The following UTRN variants were observed in gnomAD, a reference collection of about 807,000 sequenced individuals.
UTRN encodes the protein utrophin, also known as dystrophin-related protein 1.
Under a neutral mutation model 463.9 loss-of-function variants are expected in UTRN, and 283 were observed. The observed-to-expected ratio is 0.61, with a 90% CI of 0.55 to 0.67. The LOEUF (loss-of-function observed/expected upper bound fraction) is 0.67. Ranked by LOEUF, UTRN falls within the 30% of genes least tolerant of loss-of-function variation. The probability of loss-of-function intolerance (pLI) is 0.00; values close to 1 mark genes in which losing one functional copy is unlikely to be tolerated. For synonymous variants in UTRN, 1,442 were observed against 1,431.5 expected (o/e 1.01, Z -0.17); for missense variants, 3,922 against 4,084.3 (o/e 0.96, Z 1.08).
chr6:144,358,661 G>A lies in UTRN; in HGVS notation c.80-44462G>A, dbSNP rs7757209. On this transcript the variant is annotated intron_variant, in intron 2 of 74. Coordinates refer to ENST00000367545, the MANE Select transcript of UTRN (RefSeq NM_007124.3). ...TTCTTTCTTTAGTTTTTTGAGATGG[G>A]GGTCTCACTATGTTACCCAGGAAGG... 1.9e-3 allele frequency among the ~76,000 whole-genome samples: 292 copies of A among 151,908 alleles called. 4 individuals carry two copies. Among genetic ancestry groups the A allele is most frequent in the African/African-American group, 6.9e-3 (284 of 41,398 alleles).
intron 52 of UTRN, among the ~76,000 whole-genome samples, chr6:144,690,089 T>TGTGTG (rs1436355407): frequency 2.7e-5 from 1 of 36,826 alleles, no homozygotes; most frequent in Non-Finnish European, 4.7e-5. Context: ...TTTTTTTTTT[T>TGTGTG]TTTTTTTGTG....
intron 27 of UTRN, among the ~76,000 whole-genome samples, chr6:144,483,160 ATCAT>A (rs1303765888): frequency 1.3e-5 from 2 of 152,214 alleles, no homozygotes; most frequent in African/African-American, 4.8e-5. Flanking sequence ...CATTACTTTG[ATCAT>A]TCATTCATTT....
intron 51 of UTRN, among the ~76,000 whole-genome samples, chr6:144,603,702 G>A (rs762976501): frequency 1.7e-4 from 26 of 151,944 alleles, no homozygotes; most frequent in Non-Finnish European, 2.2e-4. Flanking sequence ...AAAAACTTTC[G>A]ATATTTCATG....
At chr6:144,485,920 CT>C (rs1173521437) in intron 28 of UTRN, among the ~76,000 whole-genome samples, 4 of 152,148 alleles carry the variant, frequency 2.6e-5, no homozygotes, top group African/African-American at 7.2e-5. Context: ...TGTCTCTTAC[CT>C]TCAGATGCTA....
At chr6:144,842,811 C>T (rs934646088) in intron 73 of UTRN, among the ~76,000 whole-genome samples, 15 of 152,058 alleles carry the variant, frequency 9.9e-5, no homozygotes, top group African/African-American at 3.4e-4. Context: ...CCCACCTCCC[C>T]ACCTCCCCAC....
intron 58 of UTRN, among the ~76,000 whole-genome samples, chr6:144,761,524 A>G (rs913297031): frequency 6.6e-6 from 1 of 152,048 alleles, no homozygotes; most frequent in Non-Finnish European, 1.5e-5. Context: ...ACATGCGCCT[A>G]TAGTCCCAGC....
chr6:144,604,640 G>A (rs566024740), intron 51 of UTRN, among the ~76,000 whole-genome samples: 2 of 152,150 alleles, frequency 1.3e-5, no homozygotes, highest in East Asian at 3.9e-4. Flanking sequence ...AAGGCCAGGC[G>A]TGGTGACTCA....
intron 27 of UTRN, 150 bp downstream of exon 27, chr6:144,482,538 TA>T (rs1792006549): frequency 1.9e-6 from 1 of 521,800 alleles, no homozygotes; most frequent in African/African-American, 2.1e-5. Context: ...TTCTGGATTA[TA>T]AAGAAAAAAT....
intron 52 of UTRN, among the ~76,000 whole-genome samples, chr6:144,683,429 G>C (rs575957814): frequency 9.2e-5 from 14 of 152,224 alleles, no homozygotes; most frequent in Non-Finnish European, 2.1e-4. Flanking sequence ...CAAGGAGTGG[G>C]AGGAGTGTTC....
At position 144,771,196 on chromosome 6, in the gene UTRN, T is replaced by C. The variant is rs1793961010; in HGVS notation, c.8496-711T>C. Among the ~76,000 whole-genome samples, 3 of 152,304 alleles carry C rather than the reference T, an allele frequency of 2.0e-5. No homozygotes were observed. The South Asian group carries it at 6.2e-4, about 32-fold the overall frequency. On this transcript the variant is annotated intron_variant, in intron 58 of 74. Transcript: ENST00000367545. Reference sequence around the variant, plus strand: ...CATTTTATATCTAGGTTTTAATTTGTAGTTTCAGTTCTGTTTGAAATAGGC... The same window carrying C: ...CATTTTATATCTAGGTTTTAATTTGCAGTTTCAGTTCTGTTTGAAATAGGC...
chr6:144,731,052 T>A (rs184439497), intron 54 of UTRN, among the ~76,000 whole-genome samples: 1 of 150,868 alleles, frequency 6.6e-6, no homozygotes, highest in African/African-American at 2.4e-5. Flanking sequence ...TATTTAAACA[T>A]GTTATGTGAT....
chr6:144,401,687 A>G (rs1275533924), intron 2 of UTRN, among the ~76,000 whole-genome samples: 1 of 150,786 alleles, frequency 6.6e-6, no homozygotes, highest in East Asian at 1.9e-4. Context: ...TTTTTTTCTG[A>G]AGCTGCTGCT....
At chr6:144,687,161 G>A (rs2128689637) in intron 52 of UTRN, among the ~76,000 whole-genome samples, 1 of 152,230 alleles carries the variant, frequency 6.6e-6, no homozygotes, top group African/African-American at 2.4e-5. Context: ...TTGATGTGCT[G>A]TTGGATTTGG....
At chr6:144,775,038 C>T (rs1166013825) in intron 60 of UTRN, among the ~76,000 whole-genome samples, 1 of 152,072 alleles carries the variant, frequency 6.6e-6, no homozygotes, top group Non-Finnish European at 1.5e-5. Flanking sequence ...CTACCCTAGG[C>T]CTTGTCAGAT....
chr6:144,833,500 T>C (rs1780845503), intron 69 of UTRN, among the ~76,000 whole-genome samples: 1 of 152,242 alleles, frequency 6.6e-6, no homozygotes, highest in African/African-American at 2.4e-5. Context: ...GTTATTATTA[T>C]TTTTGGGTAC....
At chr6:144,473,010 G>C (rs532100081) in intron 23 of UTRN, among the ~76,000 whole-genome samples, 1 of 151,968 alleles carries the variant, frequency 6.6e-6, no homozygotes, top group Admixed American at 6.6e-5. Flanking sequence ...CTCGTGATCC[G>C]TAGCCTGGGC....
intron 51 of UTRN, among the ~76,000 whole-genome samples, chr6:144,596,586 A>G (rs964897332): frequency 6.6e-6 from 1 of 152,202 alleles, no homozygotes; most frequent in African/African-American, 2.4e-5. Context: ...AATTTGGACT[A>G]TTGACATCAA....
intron 34 of UTRN, among the ~76,000 whole-genome samples, chr6:144,503,097 T>C (rs370819800): frequency 6.6e-6 from 1 of 152,138 alleles, no homozygotes; most frequent in African/African-American, 2.4e-5. Context: ...TTGATGGAGT[T>C]GTTTGTTTTT....
chr6:144,701,563 C>A (rs978691567), intron 53 of UTRN, among the ~76,000 whole-genome samples: 3 of 152,108 alleles, frequency 2.0e-5, no homozygotes, highest in African/African-American at 4.8e-5. Context: ...CCATTGATTT[C>A]TTTAATATCT....
Sources: gnomAD v4.1 joint callset for allele counts (sites outside exome capture counted in the v4.1 genomes callset) on GRCh38, gnomAD v4.1.1 for gene constraint, MANE v1.5 for transcripts, NCBI Gene and HGNC (gene_info 2026-07-23, HGNC 2026-07-21) for gene names.